ARHGAP25: variants seen among roughly 807,000 people sequenced by gnomAD.
ARHGAP25 encodes rho GTPase-activating protein 25.
ARHGAP25 carries 34 observed loss-of-function variants against 71.0 expected under a neutral mutation model. That is an observed-to-expected ratio of 0.48 (90% confidence interval 0.36 to 0.64). ARHGAP25 has a LOEUF of 0.64. Ranked by LOEUF, ARHGAP25 falls within the 30% of genes least tolerant of loss-of-function variation. The pLI is 0.00. For missense variants in ARHGAP25, 706 were observed against 805.1 expected, an observed-to-expected ratio of 0.88 and a Z score of 1.49; for synonymous variants, 282 against 296.5, an observed-to-expected ratio of 0.95 and a Z score of 0.50.
chr2:68,825,447 T>C (rs1471699981), intron 10 of ARHGAP25, among the ~76,000 whole-genome samples: 1 of 151,860 alleles, frequency 6.6e-6, no homozygotes, highest in East Asian at 1.9e-4. Context: ...AAAAACACAA[T>C]AGATGTCACA....
chr2:68,782,090 A>G, intron 2 of ARHGAP25, 143 bp from the exon 3 acceptor site: 1 of 698,886 alleles, frequency 1.4e-6, no homozygotes, highest in Non-Finnish European at 2.4e-6. Flanking sequence ...AAGGGGCCCC[A>G]TTAAAACTGG....
intron 2 of ARHGAP25, among the ~76,000 whole-genome samples, chr2:68,726,590 G>A (rs1003055060): frequency 6.6e-6 from 1 of 152,200 alleles, no homozygotes; most frequent in African/African-American, 2.4e-5. Flanking sequence ...CAGGCCTCCA[G>A]ATATAAATTT....
At chr2:68,789,613 C>T (rs1186892772) in intron 4 of ARHGAP25, among the ~76,000 whole-genome samples, 3 of 152,094 alleles carry the variant, frequency 2.0e-5, no homozygotes, top group South Asian at 4.1e-4. Flanking sequence ...ATCCTTATTG[C>T]GCTGGATTAT....
At chr2:68,820,786 C>G (rs1681592906) in intron 9 of ARHGAP25, among the ~76,000 whole-genome samples, 1 of 143,948 alleles carries the variant, frequency 6.9e-6, no homozygotes, top group South Asian at 2.6e-4. Flanking sequence ...TCCAATGTTC[C>G]TTTATGAAAA....
intron 8 of ARHGAP25, among the ~76,000 whole-genome samples, chr2:68,818,811 A>G (rs1227874193): frequency 6.6e-6 from 1 of 152,244 alleles, no homozygotes; most frequent in East Asian, 1.9e-4. Context: ...CCACATCAGG[A>G]GAGAAAGATA....
intron 1 of ARHGAP25, among the ~76,000 whole-genome samples, chr2:68,738,838 A>G (rs1022310711): frequency 1.6e-4 from 24 of 151,850 alleles, no homozygotes; most frequent in African/African-American, 5.6e-4. Flanking sequence ...AAAAAAAAAA[A>G]AGAATATGAA....
intron 1 of ARHGAP25, chr2:68,735,479 C>G: frequency 1.7e-6 from 1 of 601,990 alleles, no homozygotes; most frequent in East Asian, 2.8e-5. Flanking sequence ...GATGGCACTC[C>G]TTGGTGTGCA....
upstream of ARHGAP25, among the ~76,000 whole-genome samples, chr2:68,730,987 C>T (rs1231967243): frequency 2.6e-5 from 4 of 152,168 alleles, no homozygotes; most frequent in African/African-American, 9.7e-5. Flanking sequence ...GTATCTTGCA[C>T]GGCAAGTTTA....
chr2:68,785,500 A>T (rs1425745030), intron 3 of ARHGAP25, among the ~76,000 whole-genome samples: 1 of 152,074 alleles, frequency 6.6e-6, no homozygotes, highest in Non-Finnish European at 1.5e-5. Context: ...AATGGAAAAG[A>T]TGGATTTGCT....
intron 2 of ARHGAP25, among the ~76,000 whole-genome samples, chr2:68,712,385 T>G (rs1214923265): frequency 6.6e-6 from 1 of 152,196 alleles, no homozygotes; most frequent in Admixed American, 6.5e-5. Flanking sequence ...TTTGTTTAAG[T>G]TTCTTGTATA....
chr2:68,731,180 C>T (rs1675012836), upstream of ARHGAP25, among the ~76,000 whole-genome samples: 1 of 152,090 alleles, frequency 6.6e-6, no homozygotes, highest in Non-Finnish European at 1.5e-5. Context: ...ACTCAAGTGC[C>T]CCTTGGGTCC....
intron 2 of ARHGAP25, among the ~76,000 whole-genome samples, chr2:68,728,853 C>T (rs190400845): frequency 6.6e-6 from 1 of 152,298 alleles, no homozygotes; most frequent in Admixed American, 6.5e-5. Context: ...TCCAAATGTC[C>T]ATCCACTAAA....
chr2:68,768,403 G>A (rs1677265533), intron 1 of ARHGAP25, among the ~76,000 whole-genome samples: 1 of 152,178 alleles, frequency 6.6e-6, no homozygotes, highest in African/African-American at 2.4e-5. Flanking sequence ...AATACAAAAT[G>A]CCTGCATGGT....
chr2:68,740,009 G>A (rs1018013943), intron 1 of ARHGAP25, among the ~76,000 whole-genome samples: 8 of 152,160 alleles, frequency 5.3e-5, no homozygotes, highest in Non-Finnish European at 1.2e-4. Flanking sequence ...AGACAGGAGT[G>A]CAACTTACTG....
At chr2:68,786,233 A>T (rs1286225169) in intron 3 of ARHGAP25, among the ~76,000 whole-genome samples, 1 of 152,200 alleles carries the variant, frequency 6.6e-6, no homozygotes, top group East Asian at 1.9e-4. Flanking sequence ...CCCAGGAATC[A>T]GGGTAAACTG....
intron 2 of ARHGAP25, among the ~76,000 whole-genome samples, chr2:68,728,245 G>A (rs1674928918): frequency 1.3e-5 from 2 of 152,094 alleles, no homozygotes; most frequent in Admixed American, 1.3e-4. Context: ...AGTCATCAGG[G>A]AAATGCAAAT....
In ARHGAP25 at chr2:68,818,987, T is replaced by C. The variant is rs547236136; in HGVS notation, c.1004-136T>C. On this transcript the variant is annotated intron_variant, in intron 8 of 10. Transcript: ENST00000409202. ...ACTCCAAGCAATTAAAAAGGGTCTT[T>C]TGAGAAGCAAAATGAGGCCCTTCTG... 5.7e-6 allele frequency: 4 copies of C among 704,578 alleles called. No homozygotes were observed. The African/African-American group carries it at 7.1e-5, about 13-fold the overall frequency. The allele number at this position is 704,578 out of a possible 1,614,324, so 43.6% of individuals were successfully genotyped here.
chr2:68,805,761 G>A (rs1357840265), intron 4 of ARHGAP25, among the ~76,000 whole-genome samples: 2 of 152,146 alleles, frequency 1.3e-5, no homozygotes, highest in Non-Finnish European at 2.9e-5. Flanking sequence ...ACAGGAACTC[G>A]AGGTGGGATG....
chr2:68,822,515 A>G lies in ARHGAP25; in HGVS notation c.1376A>G (p.Asn459Ser). The G allele has an allele frequency of 6.2e-7, 1 of 1,614,250 alleles. No individual in the cohort carries two copies. Among genetic ancestry groups the G allele is most frequent in the Non-Finnish European group, 8.5e-7 (1 of 1,180,054 alleles). ...TTGACATCAGCTTTTCAGGGTGCCA[A>G]CAGCAGCAAAATGGAGATCTTTAAA... Reference protein sequence around the residue: ...CFLTSAFQGANSSKMEIFKNE... With the variant: ...CFLTSAFQGASSSKMEIFKNE... The change falls in exon 10 of 11, where the codon AAC (asparagine) becomes AGC (serine). Residue 459 changes from asparagine to serine, a missense_variant. Transcript: ENST00000409202.
Sources: allele counts gnomAD v4.1 joint callset (sites outside exome capture counted in the v4.1 genomes callset), GRCh38; gene constraint gnomAD v4.1.1; transcripts MANE v1.5; gene names NCBI Gene and HGNC (gene_info 2026-07-23, HGNC 2026-07-21).